Variants in PAX4 observed in about 807,000 individuals in gnomAD.
PAX4 encodes the protein paired box protein Pax-4.
A neutral mutation model predicts 40.6 loss-of-function variants in PAX4; 33 were observed. The observed-to-expected ratio is 0.81, with a 90% CI of 0.62 to 1.09. PAX4 has a LOEUF of 1.09. Ranked by LOEUF, PAX4 falls within the 50% of genes least tolerant of loss-of-function variation. PAX4 has a pLI of 0.00. For synonymous variants in PAX4, 174 were observed against 170.6 expected, an observed-to-expected ratio of 1.02 and a Z score of -0.16; for missense variants, 459 against 442.5, an observed-to-expected ratio of 1.04 and a Z score of -0.33.
At chr7:127,611,901 C>T (rs1230009869) in intron 10 of PAX4, 44 bp downstream of exon 10, 2 of 1,612,746 alleles carry the variant, frequency 1.2e-6, no homozygotes, top group Non-Finnish European at 1.7e-6. Flanking sequence ...CCCATGAGCC[C>T]TTCAGTCTTC....
At chr7:127,611,477 T>A in intron 11 of PAX4, 58 bp downstream of exon 11, 1 of 1,611,440 alleles carries the variant, frequency 6.2e-7, no homozygotes, top group South Asian at 1.1e-5. Flanking sequence ...CTCCTGGAGG[T>A]TGAGTCAGTC....
chr7:127,612,473 GGA>G (rs1794645868), intron 9 of PAX4, among the ~76,000 whole-genome samples: 1 of 146,970 alleles, frequency 6.8e-6, no homozygotes, highest in Non-Finnish European at 1.5e-5. Flanking sequence ...ATGGGTGGAT[GGA>G]TGGATGGATG....
chr7:127,611,111 G>T lies in PAX4; in HGVS notation c.1009C>A (p.Gln337Lys), dbSNP rs1794617323. 2 of 1,608,080 alleles carry T rather than the reference G, an allele frequency of 1.2e-6. No individual in the cohort carries two copies. Among genetic ancestry groups the T allele is most frequent in the Middle Eastern group, 3.3e-4 (2 of 5,972 alleles). The change falls in exon 12 of 12, where the codon CAG becomes AAG. Residue 337 changes from glutamine to lysine, a missense_variant. Transcript: ENST00000639438. ...GGGCAGCCAGGCCAGAGCAGGGCCT[G>T]AGAGCCACTAAGACTGGCCAGGTGA... ...HCHLASLSGS[Q>K]ALLWPGCPLL...
chr7:127,617,813 T>C (rs559717388), intron 1 of PAX4, 149 bp downstream of exon 1: 2 of 152,328 alleles, frequency 1.3e-5, no homozygotes, highest in East Asian at 3.9e-4. Context: ...TAACTGGTGC[T>C]TGCAAGATGG....
chr7:127,616,004 C>A lies in PAX4; in HGVS notation c.-76G>T. 6.6e-7 allele frequency: 1 copy of A among 1,509,690 alleles called. No homozygotes were observed. The highest frequency in any genetic ancestry group is 1.4e-5 in the African/African-American group (1 of 72,504). 93.5% of individuals were successfully genotyped at this position (1,509,690 alleles called of 1,614,324 possible). On this transcript the variant is annotated 5_prime_UTR_variant, in exon 3 of 12. Coordinates refer to ENST00000639438, the MANE Select transcript of PAX4 (RefSeq NM_001366110.1). ...GGAAGGGAAGTTCCTTCTAGGAGCT[C>A]CTTTTCCAGCTTGGGGGCTGGCTCT... is the stretch of plus-strand genomic sequence containing the variant.
At chr7:127,613,195 C>G (rs71546767) in intron 8 of PAX4, 104 bp from the exon 9 acceptor site, 1 of 1,023,044 alleles carries the variant, frequency 9.8e-7, no homozygotes, top group African/African-American at 1.6e-5. Flanking sequence ...TTGACCCTTC[C>G]TTGGGCCTGA....
chr7:127,611,268 A>G, intron 11 of PAX4, 62 bp from the exon 12 acceptor site: 1 of 1,452,238 alleles, frequency 6.9e-7, no homozygotes, highest in Non-Finnish European at 9.5e-7. Context: ...CAAAGTCACT[A>G]TGGGAGAGAG....
At position 127,611,925 on chromosome 7, in the gene PAX4, TCC is replaced by T. The variant is rs764848780; in HGVS notation, c.771+18_771+19del. ...CCTTCAGTCTTCCCAGGGCACAGAC[TCC>T]CCTCTCCTCCCGAGTACCTGTGCAG... On this transcript the variant is annotated intron_variant, in intron 10 of 11. Transcript: ENST00000639438. 6.8e-6 allele frequency: 11 copies of T among 1,613,826 alleles called. No individual in the cohort carries two copies. The South Asian group carries it at 1.2e-4, about 18-fold the overall frequency.
chr7:127,613,223 C>T lies in PAX4; in HGVS notation c.646-132G>A, dbSNP rs1459539057. 3 of 879,596 alleles carry T rather than the reference C, an allele frequency of 3.4e-6. No homozygotes were observed. In the South Asian group the frequency reaches 4.2e-5, roughly 12 times the overall value. The allele number at this position is 879,596 out of a possible 1,614,324, so 54.5% of individuals were successfully genotyped here. ...GGGCCTGACATCCTCCCTCCCTGCT[C>T]TAGCTTTTGCTCTCTGGCCCCTTCC... On this transcript the variant is annotated intron_variant, in intron 8 of 11. Transcript: ENST00000639438.
At chr7:127,613,411 C>T (rs1327896325) in intron 8 of PAX4, 39 bp downstream of exon 8, 2 of 1,596,856 alleles carry the variant, frequency 1.3e-6, no homozygotes, top group African/African-American at 1.3e-5. Flanking sequence ...CCAGACTCTT[C>T]CTCCTTGTGG....
chr7:127,613,302 A>G lies in PAX4; in HGVS notation c.645+148T>C, dbSNP rs1403924772. The G allele has an allele frequency of 3.4e-6, 3 of 874,328 alleles. No individual in the cohort carries two copies. The East Asian group carries it at 7.5e-5, about 22-fold the overall frequency. The allele number at this position is 874,328 out of a possible 1,614,324, so 54.2% of individuals were successfully genotyped here. ...GAGGAGAGCAGTCAGCAGAAGGTGA[A>G]CAAGGAGGATCTCATCTCTGATTGT... On this transcript the variant is annotated intron_variant, in intron 8 of 11. Coordinates refer to ENST00000639438, the MANE Select transcript of PAX4 (RefSeq NM_001366110.1).
In PAX4 at chr7:127,610,580, C is replaced by A; in HGVS notation, c.*484G>T. On this transcript the variant is annotated 3_prime_UTR_variant, in exon 12 of 12. Coordinates refer to ENST00000639438, the MANE Select transcript of PAX4 (RefSeq NM_001366110.1). ...GTGTGTGTGTGTGTGTGCGCGCACG[C>A]ATGCACGCATACATAATACACATAT... 1 of 334,244 alleles carries A rather than the reference C, an allele frequency of 3.0e-6. No individual in the cohort carries two copies. Among genetic ancestry groups the A allele is most frequent in the Non-Finnish European group, 5.5e-6 (1 of 182,844 alleles). The allele number at this position is 334,244 out of a possible 1,614,324, so 20.7% of individuals were successfully genotyped here. A position where few individuals can be genotyped will look rare whatever the true frequency, so the allele number is the denominator to read the frequency against.
At chr7:127,614,112 C>CA (rs1266231207) in intron 6 of PAX4, among the ~76,000 whole-genome samples, 5 of 151,966 alleles carry the variant, frequency 3.3e-5, no homozygotes, top group African/African-American at 1.2e-4. Flanking sequence ...GAGGGACAAG[C>CA]AGTAGGCTTG....
intron 11 of PAX4, 60 bp downstream of exon 11, chr7:127,611,475 G>A: frequency 6.2e-7 from 1 of 1,611,622 alleles, no homozygotes. Flanking sequence ...CCCTCCTGGA[G>A]GTTGAGTCAG....
chr7:127,612,025 C>G, intron 9 of PAX4, 25 bp from the exon 10 acceptor site: 1 of 1,611,952 alleles, frequency 6.2e-7, no homozygotes, highest in Non-Finnish European at 8.5e-7. Flanking sequence ...TGAATCCACT[C>G]AGAAGGAGGA....
Position 127,613,791 on chromosome 7 carries a change from A to T in PAX4, c.527T>A (p.Ile176Asn). 6.2e-7 allele frequency: 1 copy of T among 1,613,986 alleles called. No homozygotes were observed. Among genetic ancestry groups the T allele is most frequent in the East Asian group, 2.2e-5 (1 of 44,850 alleles). ...TGCCTCTGCTTGGCTTGGGGAGAAG[A>T]TAGTCCGATTCCGGTGGCCGGTCCC... ...HPGTGHRNRTIFSPSQAEALE... is the reference protein window; with the variant it reads ...HPGTGHRNRTNFSPSQAEALE... Residue 176 changes from isoleucine to asparagine, a missense_variant, in exon 7 of 12, where the codon ATC (isoleucine) becomes AAC (asparagine). By Grantham distance (149) the Ile-to-Asn change is moderately radical (BLOSUM62 -3). Transcript: ENST00000639438.
In PAX4 at chr7:127,613,898, C is replaced by G; in HGVS notation, c.437-17G>C. On this transcript the variant is annotated splice_polypyrimidine_tract_variant and intron_variant, in intron 6 of 11. Transcript: ENST00000639438. ...CCAAAACAGCTGAAAAGGAAGATAA[C>G]AGTTTGTGGTGGTTTGTGATGGTGA... The G allele has an allele frequency of 6.2e-7, 1 of 1,613,728 alleles. No individual in the cohort carries two copies. Among genetic ancestry groups the G allele is most frequent in the South Asian group, 1.1e-5 (1 of 91,082 alleles).
chr7:127,616,097 A>T, intron 2 of PAX4, 70 bp from the exon 3 acceptor site: 1 of 729,440 alleles, frequency 1.4e-6, no homozygotes, highest in Non-Finnish European at 2.2e-6. Context: ...GTGTTTTGTG[A>T]TAGAGGGTCA....
intron 3 of PAX4, 185 bp from the exon 4 acceptor site, chr7:127,615,716 G>A: frequency 6.6e-7 from 1 of 1,506,988 alleles, no homozygotes; most frequent in Non-Finnish European, 8.8e-7. Context: ...TGGCTCACGG[G>A]TGAGTCTTTG....
Sources: allele counts gnomAD v4.1 joint callset (sites outside exome capture counted in the v4.1 genomes callset), GRCh38; gene constraint gnomAD v4.1.1; transcripts MANE v1.5; gene names NCBI Gene and HGNC (gene_info 2026-07-23, HGNC 2026-07-21).